The following TBK1 variants were observed in gnomAD, a reference collection of about 807,000 sequenced individuals.
TBK1 encodes the protein TANK binding kinase 1.
TBK1 carries 37 observed loss-of-function variants against 99.9 expected under a neutral mutation model. That is an observed-to-expected ratio of 0.37 (90% CI 0.28 to 0.49). TBK1 has a LOEUF of 0.49. Ranked by LOEUF, TBK1 falls within the 20% of genes least tolerant of loss-of-function variation. The pLI, the probability that TBK1 is intolerant of heterozygous loss-of-function variation, is 0.98. For synonymous variants in TBK1, 258 were observed against 279.8 expected (o/e 0.92, Z 0.78); for missense variants, 644 against 872.5 (o/e 0.74, Z 3.30).
At chr12:64,457,978 G>C (rs566428199) in intron 2 of TBK1, among the ~76,000 whole-genome samples, 2 of 152,218 alleles carry the variant, frequency 1.3e-5, no homozygotes, top group South Asian at 4.1e-4. Context: ...GAGCATGGTG[G>C]CTCACGCCTG....
chr12:64,486,085 C>T (rs2040817802), intron 11 of TBK1, 68 bp downstream of exon 11: 6 of 1,049,376 alleles, frequency 5.7e-6, no homozygotes, highest in Non-Finnish European at 8.3e-6. Flanking sequence ...GATATTTTCT[C>T]TCTTCAAACT....
chr12:64,498,047 A>T lies in TBK1; in HGVS notation c.2138+8A>T. The T allele has an allele frequency of 6.3e-7, 1 of 1,599,990 alleles. No individual in the cohort carries two copies. Among genetic ancestry groups the T allele is most frequent in the East Asian group, 2.2e-5 (1 of 44,704 alleles). ...TAACCACATTTTAGAAAGGTGAGTA[A>T]TGCAAAAATAATTACTGTGATTTTC... On this transcript the variant is annotated splice_region_variant and intron_variant, in intron 20 of 20. Transcript: ENST00000331710.
Position 64,454,672 on chromosome 12 carries a change from C to CTTTTTTTT in TBK1, c.-31-1153_-31-1146dup, listed in dbSNP as rs11358053. 1.1e-4 allele frequency among the ~76,000 whole-genome samples: 9 copies of CTTTTTTTT among 83,632 alleles called. 1 individual carries two copies. Among genetic ancestry groups the CTTTTTTTT allele is most frequent in the Admixed American group, 1.7e-4 (1 of 5,762 alleles). The allele number at this position is 83,632 out of a possible 152,430, so 54.9% of individuals were successfully genotyped here. On this transcript the variant is annotated intron_variant, in intron 1 of 20. Coordinates refer to ENST00000331710, the MANE Select transcript of TBK1 (RefSeq NM_013254.4). ...CTTGAATATTGCTAGAAACTCAGATCTTTTTTTTTTTTTTTTTTTTTTGAG... is the reference window on the plus strand; with the variant it reads ...CTTGAATATTGCTAGAAACTCAGATCTTTTTTTTTTTTTTTTTTTTTTTTTTTTTTGAG...
intron 6 of TBK1, among the ~76,000 whole-genome samples, chr12:64,474,703 A>C (rs901217810): frequency 6.6e-6 from 1 of 152,182 alleles, no homozygotes. Context: ...ACTTGTCAGC[A>C]CTTTCCTCCC....
intron 13 of TBK1, 106 bp from the exon 14 acceptor site, chr12:64,495,377 A>G: frequency 7.3e-7 from 1 of 1,368,098 alleles, no homozygotes; most frequent in Non-Finnish European, 9.9e-7. Context: ...CTTTGAATTG[A>G]AGTAATCTAC....
At position 64,467,107 on chromosome 12, in the gene TBK1, T is replaced by G. The variant is rs773995414; in HGVS notation, c.540+25T>G. The G allele has an allele frequency of 2.7e-6, 4 of 1,507,478 alleles. No individual in the cohort carries two copies. The African/African-American group carries it at 5.6e-5, about 21-fold the overall frequency. 93.4% of individuals were successfully genotyped at this position (1,507,478 alleles called of 1,614,324 possible). A position where few individuals can be genotyped will look rare whatever the true frequency, so the allele number is the denominator to read the frequency against. ...GGTAAGTCATGTATCACTAATATTT[T>G]CATTTAAAGAAGCTTGATATATTGT... On this transcript the variant is annotated intron_variant, in intron 5 of 20. Coordinates refer to ENST00000331710, the MANE Select transcript of TBK1 (RefSeq NM_013254.4).
chr12:64,467,907 A>G (rs1034380152), intron 5 of TBK1, among the ~76,000 whole-genome samples: 1 of 152,244 alleles, frequency 6.6e-6, no homozygotes, highest in African/African-American at 2.4e-5. Context: ...AGAGTACCTA[A>G]GAATGGGTCA....
chr12:64,493,632 A>G (rs546552934), intron 13 of TBK1, among the ~76,000 whole-genome samples: 21 of 150,492 alleles, frequency 1.4e-4, no homozygotes, highest in Non-Finnish European at 3.0e-4. Context: ...CAAAAAATAA[A>G]AAAAAAGTAA....
chr12:64,492,127 T>C (rs1477725207), intron 13 of TBK1, among the ~76,000 whole-genome samples: 1 of 152,188 alleles, frequency 6.6e-6, no homozygotes, highest in Non-Finnish European at 1.5e-5. Context: ...TGTCAGTGTT[T>C]TATATTCTTC....
intron 2 of TBK1, among the ~76,000 whole-genome samples, chr12:64,457,576 T>C (rs1159861220): frequency 6.6e-6 from 1 of 152,228 alleles, no homozygotes; most frequent in Admixed American, 6.5e-5. Context: ...TTAGCTATAC[T>C]GCACATTAAC....
chr12:64,499,659 A>G (rs1410868080), intron 20 of TBK1, among the ~76,000 whole-genome samples: 2 of 151,292 alleles, frequency 1.3e-5, no homozygotes, highest in Non-Finnish European at 2.9e-5. Context: ...TTTAGGCTTA[A>G]AGATCACCAA....
chr12:64,460,765 C>CA (rs2040540106), intron 3 of TBK1, among the ~76,000 whole-genome samples: 1 of 145,240 alleles, frequency 6.9e-6, no homozygotes, highest in South Asian at 2.1e-4. Flanking sequence ...ACCCAGGAGG[C>CA]AGAGGTCACA....
At chr12:64,452,907 C>T (rs1403016100) in intron 1 of TBK1, 1 of 152,196 alleles carries the variant, frequency 6.6e-6, no homozygotes, top group Non-Finnish European at 1.5e-5. Context: ...TGGTCTTTTC[C>T]ACTCTGAAAC....
chr12:64,473,166 A>G (rs1287441670), intron 5 of TBK1, among the ~76,000 whole-genome samples: 1 of 152,214 alleles, frequency 6.6e-6, no homozygotes, highest in African/African-American at 2.4e-5. Flanking sequence ...CCAAGAGTCA[A>G]TTTTGGATAC....
Position 64,501,421 on chromosome 12 carries a change from A to G in TBK1, c.*40A>G, listed in dbSNP as rs1247783500. On this transcript the variant is annotated 3_prime_UTR_variant, in exon 21 of 21. Coordinates refer to ENST00000331710, the MANE Select transcript of TBK1 (RefSeq NM_013254.4). ...TTTAAGAAAAGTTTCCGTTTGCACA[A>G]GAAAATAACGCTTGGGCATTAAATG... 1 of 1,603,180 alleles carries G rather than the reference A, an allele frequency of 6.2e-7. No homozygotes were observed. The highest frequency in any genetic ancestry group is 2.2e-5 in the East Asian group (1 of 44,786).
intron 11 of TBK1, 54 bp downstream of exon 11, chr12:64,486,071 CATT>C: frequency 8.0e-7 from 1 of 1,257,104 alleles, no homozygotes; most frequent in South Asian, 1.4e-5. Context: ...CTTGCCCCAT[CATT>C]GATATTTTCT....
chr12:64,455,224 G>C (rs994160631), intron 1 of TBK1, among the ~76,000 whole-genome samples: 3 of 151,948 alleles, frequency 2.0e-5, no homozygotes, highest in African/African-American at 7.3e-5. Flanking sequence ...GGCTTCAGGT[G>C]ATCTGCCTGC....
intron 13 of TBK1, among the ~76,000 whole-genome samples, chr12:64,491,167 A>G (rs1177452703): frequency 6.6e-6 from 1 of 151,926 alleles, no homozygotes; most frequent in African/African-American, 2.4e-5. Context: ...GCTGATTACT[A>G]CTCCCAGACC....
chr12:64,499,846 C>T lies in TBK1; in HGVS notation c.2139-1484C>T, dbSNP rs1005162481. On this transcript the variant is annotated intron_variant, in intron 20 of 20. Coordinates refer to ENST00000331710, the MANE Select transcript of TBK1 (RefSeq NM_013254.4). ...CCGAGTAACTGGGACTACAGGCACA[C>T]GCCACCATGCCCAGCTAATTTTTGT... is the stretch of plus-strand genomic sequence containing the variant. Among the ~76,000 whole-genome samples the T allele has an allele frequency of 3.3e-5, 5 of 151,780 alleles. No homozygotes were observed. The South Asian group carries it at 6.2e-4, about 19-fold the overall frequency.
Sources: gnomAD v4.1 joint callset for allele counts (sites outside exome capture counted in the v4.1 genomes callset) on GRCh38, gnomAD v4.1.1 for gene constraint, MANE v1.5 for transcripts, NCBI Gene and HGNC (gene_info 2026-07-23, HGNC 2026-07-21) for gene names.